Variants in DGKB observed in about 807,000 individuals in gnomAD.
DGKB encodes 90 kDa diacylglycerol kinase.
Under a neutral mutation model 114.3 loss-of-function variants are expected in DGKB, and 67 were observed. The ratio of observed to expected loss-of-function variants is 0.59; its 90% CI spans 0.48 to 0.72. DGKB has a LOEUF of 0.72. Among genes scored for constraint, DGKB ranks in the 30% least tolerant of loss-of-function variants. DGKB has a pLI of 0.00. For synonymous variants in DGKB, 398 were observed against 323.1 expected (o/e 1.23, Z -2.49); for missense variants, 907 against 975.2 (o/e 0.93, Z 0.93).
chr7:14,497,188 G>A (rs947415224), intron 20 of DGKB, among the ~76,000 whole-genome samples: 7 of 151,524 alleles, frequency 4.6e-5, no homozygotes, highest in Admixed American at 1.3e-4. Context: ...ACTCAGAAGC[G>A]GGGAGAAAGA....
intron 20 of DGKB, among the ~76,000 whole-genome samples, chr7:14,505,944 C>T (rs1394805083): frequency 6.6e-6 from 1 of 152,044 alleles, no homozygotes; most frequent in Non-Finnish European, 1.5e-5. Flanking sequence ...CATTTTTATT[C>T]ATACCCAGAT....
At chr7:14,306,144 C>T (rs1804428762) in intron 23 of DGKB, among the ~76,000 whole-genome samples, 1 of 151,866 alleles carries the variant, frequency 6.6e-6, no homozygotes, top group South Asian at 2.1e-4. Flanking sequence ...TAGCTATCTA[C>T]TTATTTGGAC....
chr7:14,224,049 C>A (rs1484983304), intron 23 of DGKB, among the ~76,000 whole-genome samples: 4 of 151,434 alleles, frequency 2.6e-5, no homozygotes, highest in Non-Finnish European at 5.9e-5. Flanking sequence ...GTTTGTTAGC[C>A]TTACTAGATA....
At chr7:14,178,178 T>A (rs372625768) in intron 23 of DGKB, 27 bp from the exon 24 acceptor site, 28 of 1,612,186 alleles carry the variant, frequency 1.7e-5, no homozygotes, top group Admixed American at 8.4e-5. Context: ...GCCTTTTAAG[T>A]TGCAATGTGT....
At chr7:14,709,687 A>T (rs1251960292) in intron 6 of DGKB, among the ~76,000 whole-genome samples, 1 of 146,972 alleles carries the variant, frequency 6.8e-6, no homozygotes, top group Non-Finnish European at 1.5e-5. Context: ...GAAATTGGAA[A>T]TCATCATTCT....
chr7:14,532,086 C>T (rs1225255779), intron 20 of DGKB, among the ~76,000 whole-genome samples: 2 of 151,176 alleles, frequency 1.3e-5, no homozygotes, highest in East Asian at 3.9e-4. Context: ...GTTCTCATAA[C>T]TCAGAACACT....
At chr7:14,197,686 A>G (rs1019043026) in intron 23 of DGKB, among the ~76,000 whole-genome samples, 1 of 152,126 alleles carries the variant, frequency 6.6e-6, no homozygotes, top group Non-Finnish European at 1.5e-5. Context: ...GAACCATCCT[A>G]TTATTTTTTC....
intron 1 of DGKB, among the ~76,000 whole-genome samples, chr7:14,852,429 T>C (rs1360171087): frequency 1.5e-5 from 2 of 136,394 alleles, no homozygotes; most frequent in Non-Finnish European, 3.1e-5. Context: ...AAATATTTAA[T>C]CCAAGTTTTC....
At chr7:14,445,703 A>G (rs1830635477) in intron 21 of DGKB, among the ~76,000 whole-genome samples, 1 of 151,976 alleles carries the variant, frequency 6.6e-6, no homozygotes, top group Middle Eastern at 3.2e-3. Context: ...ACAGGTAGAA[A>G]TTTTTCCCAA....
intron 21 of DGKB, among the ~76,000 whole-genome samples, chr7:14,424,182 C>T (rs1000842886): frequency 6.6e-6 from 1 of 152,080 alleles, no homozygotes; most frequent in Non-Finnish European, 1.5e-5. Context: ...TCATCACTAT[C>T]TCTGGGGTCA....
upstream of DGKB, chr7:14,903,297 C>G (rs1041520537): frequency 7.2e-5 from 11 of 153,252 alleles, no homozygotes; most frequent in African/African-American, 2.7e-4. Context: ...CCAGCCCTGC[C>G]TATCTCTGGC....
chr7:14,583,104 T>C lies in DGKB; in HGVS notation c.1467A>G (p.Arg489=). The C allele has an allele frequency of 6.2e-7, 1 of 1,612,678 alleles. No individual in the cohort carries two copies. Among genetic ancestry groups the C allele is most frequent in the Non-Finnish European group, 8.5e-7 (1 of 1,179,300 alleles). The change falls in exon 18 of 26, where the codon AGA becomes AGG. Residue 489 remains arginine, a synonymous_variant. Transcript: ENST00000402815. ...LNFFRDVPDF[R]VLACGGDGTV... is the part of the protein sequence containing the mutation. ...TTCCATCTCCACCACAGGCTAACACTCTGAAGTCAGGAACATCACGGAAAA... is the reference window on the plus strand; with the variant it reads ...TTCCATCTCCACCACAGGCTAACACCCTGAAGTCAGGAACATCACGGAAAA...
At chr7:14,681,328 T>C (rs1044590964) in intron 12 of DGKB, among the ~76,000 whole-genome samples, 2 of 151,976 alleles carry the variant, frequency 1.3e-5, no homozygotes, top group African/African-American at 4.8e-5. Flanking sequence ...TAGCTGAAAA[T>C]GATTGCAGAA....
Position 14,708,680 on chromosome 7 carries a change from T to C in DGKB, c.467-6950A>G, listed in dbSNP as rs1344797026. Among the ~76,000 whole-genome samples the C allele has an allele frequency of 3.3e-5, 5 of 151,630 alleles. No individual in the cohort carries two copies. In the East Asian group the frequency reaches 9.7e-4, roughly 29 times the overall value. ...ACGCCGCATACCTACAACTGTCTGA[T>C]CTTTGACAAACCTGAGAAAAACAAG... On this transcript the variant is annotated intron_variant, in intron 6 of 25. Transcript: ENST00000402815.
At chr7:14,320,423 TG>T (rs11287095) in intron 23 of DGKB, among the ~76,000 whole-genome samples, 3,754 of 152,244 alleles carry the variant, frequency 0.025, 141 homozygotes, top group African/African-American at 0.085. Context: ...AGTTTTCTGC[TG>T]CCAATGCCAT....
chr7:14,146,684 A>G lies in DGKB; in HGVS notation c.*2447T>C, dbSNP rs763874813. On this transcript the variant is annotated 3_prime_UTR_variant, in exon 26 of 26. Transcript: ENST00000402815. Reference sequence around the variant, plus strand: ...GGGCAGTATACTTGAAGGGGCAAGTACATCAGTGTATTTAGAAAATGAGTT... The same window carrying G: ...GGGCAGTATACTTGAAGGGGCAAGTGCATCAGTGTATTTAGAAAATGAGTT... 1 of 152,152 alleles carries G rather than the reference A, an allele frequency of 6.6e-6. No homozygotes were observed. Among genetic ancestry groups the G allele is most frequent in the Non-Finnish European group, 1.5e-5 (1 of 68,018 alleles). 9.4% of individuals were successfully genotyped at this position (152,152 alleles called of 1,614,324 possible). A position where few individuals can be genotyped will look rare whatever the true frequency, so the allele number is the denominator to read the frequency against.
chr7:14,158,669 G>A (rs1481984702), intron 25 of DGKB, among the ~76,000 whole-genome samples: 2 of 152,118 alleles, frequency 1.3e-5, no homozygotes, highest in South Asian at 4.1e-4. Flanking sequence ...CCATTGCTTG[G>A]TGTTATGATA....
intron 1 of DGKB, among the ~76,000 whole-genome samples, chr7:14,943,072 G>T (rs765828517): frequency 3.3e-5 from 5 of 151,684 alleles, no homozygotes; most frequent in Non-Finnish European, 7.4e-5. Flanking sequence ...ATGACTGATT[G>T]ACTTACTGAT....
intron 1 of DGKB, among the ~76,000 whole-genome samples, chr7:14,964,606 G>C (rs550129364): frequency 6.6e-6 from 1 of 152,268 alleles, no homozygotes; most frequent in South Asian, 2.1e-4. Flanking sequence ...AGGTTATGCA[G>C]AGGGCACTAG....
Sources: allele counts gnomAD v4.1 joint callset (sites outside exome capture counted in the v4.1 genomes callset), GRCh38; gene constraint gnomAD v4.1.1; transcripts MANE v1.5; gene names NCBI Gene and HGNC (gene_info 2026-07-23, HGNC 2026-07-21).